RNF17: variants seen among roughly 807,000 people sequenced by gnomAD.
RNF17 encodes spermatogenesis associated 23.
RNF17 carries 31 observed loss-of-function variants against 200.5 expected under a neutral mutation model. The observed-to-expected ratio is 0.15, with a 90% CI of 0.12 to 0.21. RNF17 has a LOEUF of 0.21. Ranked by LOEUF, RNF17 falls within the 10% of genes least tolerant of loss-of-function variation. The pLI, the probability that RNF17 is intolerant of heterozygous loss-of-function variation, is 1.00. For missense variants in RNF17, 1,628 were observed against 1,905.1 expected (o/e 0.85, Z 2.71); for synonymous variants, 606 against 637.8 (o/e 0.95, Z 0.75).
chr13:24,808,524 T>C (rs1317700309), intron 15 of RNF17, among the ~76,000 whole-genome samples: 2 of 108,292 alleles, frequency 1.8e-5, no homozygotes, highest in Non-Finnish European at 3.7e-5. Flanking sequence ...AAGTTGCATA[T>C]CAGCTTAAGG....
At chr13:24,763,661 T>C (rs146557549), upstream of RNF17, among the ~76,000 whole-genome samples, 31 of 152,280 alleles carry the variant, frequency 2.0e-4, no homozygotes, top group African/African-American at 7.2e-4. Flanking sequence ...CCAACCACTC[T>C]TGGCACGCTG....
chr13:24,802,879 C>T (rs926099637), intron 14 of RNF17, among the ~76,000 whole-genome samples: 2 of 152,040 alleles, frequency 1.3e-5, no homozygotes, highest in African/African-American at 2.4e-5. Flanking sequence ...AGCTAGACCT[C>T]GTCTCTACAA....
chr13:24,769,343 T>A (rs1880318609), intron 2 of RNF17, among the ~76,000 whole-genome samples: 1 of 152,198 alleles, frequency 6.6e-6, no homozygotes, highest in African/African-American at 2.4e-5. Context: ...ATCTATTTTG[T>A]ATCATTGACT....
downstream of RNF17, among the ~76,000 whole-genome samples, chr13:24,881,579 G>C (rs1004026518): frequency 6.6e-6 from 1 of 151,358 alleles, no homozygotes; most frequent in Non-Finnish European, 1.5e-5. Flanking sequence ...TCTCAGGAGA[G>C]GTAAGGATAT....
chr13:24,775,304 A>G (rs1881406702), intron 3 of RNF17, among the ~76,000 whole-genome samples: 1 of 152,308 alleles, frequency 6.6e-6, no homozygotes, highest in Non-Finnish European at 1.5e-5. Context: ...GCTTGAGTGC[A>G]GTGGTTTTGA....
chr13:24,766,146 C>A (rs1006523850), intron 1 of RNF17, among the ~76,000 whole-genome samples: 1 of 152,198 alleles, frequency 6.6e-6, no homozygotes, highest in Non-Finnish European at 1.5e-5. Flanking sequence ...AGGAGAATAG[C>A]ATGAACTCAG....
At chr13:24,810,081 T>C (rs1354446863) in intron 15 of RNF17, among the ~76,000 whole-genome samples, 2 of 150,666 alleles carry the variant, frequency 1.3e-5, no homozygotes, top group African/African-American at 4.8e-5. Context: ...AATTTTGGAA[T>C]AGGTGTGGTG....
intron 19 of RNF17, 94 bp from the exon 20 acceptor site, chr13:24,843,650 A>G: frequency 7.0e-6 from 5 of 713,844 alleles, no homozygotes; most frequent in Non-Finnish European, 1.2e-5. Context: ...CAAAATAGTC[A>G]TATAAGTATC....
intron 6 of RNF17, among the ~76,000 whole-genome samples, chr13:24,784,738 G>A (rs556124834): frequency 2.1e-4 from 32 of 151,728 alleles, no homozygotes; most frequent in Admixed American, 7.9e-4. Flanking sequence ...ATGGATTCTC[G>A]CTCTGTCACC....
At chr13:24,794,034 A>G (rs1884225664) in intron 10 of RNF17, 1 of 336,022 alleles carries the variant, frequency 3.0e-6, no homozygotes, top group Admixed American at 4.2e-5. Context: ...AACTTTATTC[A>G]TTGATACAAG....
chr13:24,836,818 C>CAAAA (rs56117531), intron 18 of RNF17, among the ~76,000 whole-genome samples: 149,448 of 152,100 alleles, frequency 0.98, 73,462 homozygotes, highest in Middle Eastern at 1. Flanking sequence ...AAAGCAAAAA[C>CAAAA]AAAACCAAAG....
At chr13:24,883,357 TTTGTTGC>T, downstream of RNF17, 1 of 1,606,798 alleles carries the variant, frequency 6.2e-7, no homozygotes, top group Non-Finnish European at 8.5e-7. Context: ...ACTCTATGAG[TTTGTTGC>T]CATCACTGTA....
At chr13:24,856,446 T>A (rs1406006677) in intron 25 of RNF17, among the ~76,000 whole-genome samples, 1 of 151,892 alleles carries the variant, frequency 6.6e-6, no homozygotes, top group Non-Finnish European at 1.5e-5. Flanking sequence ...AAATCCTTTC[T>A]TACTCTGATG....
intron 3 of RNF17, among the ~76,000 whole-genome samples, chr13:24,778,016 C>T (rs928076940): frequency 6.6e-6 from 1 of 152,108 alleles, no homozygotes; most frequent in African/African-American, 2.4e-5. Flanking sequence ...AATCCCAGCA[C>T]TTTGGGGGGC....
Position 24,842,091 on chromosome 13 carries a change from G to A in RNF17, c.2533G>A (p.Ala845Thr). The change falls in exon 19 of 36, where the codon GCT (alanine) becomes ACT (threonine). Residue 845 changes from alanine to threonine, a missense_variant. Coordinates refer to ENST00000255324, the MANE Select transcript of RNF17 (RefSeq NM_031277.3). Reference protein sequence around the residue: ...LLVELFDSLGAPEMTTTSIND... With the variant: ...LLVELFDSLGTPEMTTTSIND... ...AGTTGAGCTTTTCGATTCTCTTGGT[G>A]CTCCTGAAATGACTACTACTAGTAT... 4 of 1,611,222 alleles carry A rather than the reference G, an allele frequency of 2.5e-6. No individual in the cohort carries two copies. The highest frequency in any genetic ancestry group is 3.4e-6 in the Non-Finnish European group (4 of 1,178,010).
intron 15 of RNF17, among the ~76,000 whole-genome samples, chr13:24,822,287 CT>C (rs1888158473): frequency 6.6e-6 from 1 of 152,198 alleles, no homozygotes. Flanking sequence ...CTGCCGGCAT[CT>C]GTGTCTGCAG....
At chr13:24,778,098 C>G (rs1458123383) in intron 3 of RNF17, among the ~76,000 whole-genome samples, 197 bp from the exon 4 acceptor site, 2 of 151,980 alleles carry the variant, frequency 1.3e-5, no homozygotes. Context: ...CTCATCTCTA[C>G]AAAAAATACA....
At chr13:24,870,768 G>T in intron 32 of RNF17, 29 bp downstream of exon 32, 2 of 1,590,594 alleles carry the variant, frequency 1.3e-6, no homozygotes, top group Non-Finnish European at 1.7e-6. Flanking sequence ...AATGAAACAG[G>T]ATACTTAATA....
In RNF17 at chr13:24,830,505, T is replaced by C. The variant is rs1308676378; in HGVS notation, c.2267T>C (p.Val756Ala). 6.2e-7 allele frequency: 1 copy of C among 1,603,898 alleles called. No individual in the cohort carries two copies. The highest frequency in any genetic ancestry group is 8.5e-7 in the Non-Finnish European group (1 of 1,175,206). ...KVIGLPGHQE[V>A]EVKYVDFGNT... ...CAAGGATTGCCTGGACATCAGGAAG[T>C]TGAAGTTAAATATGTGGACTTTGGT... Residue 756 changes from valine to alanine, a missense_variant, in exon 17 of 36, where the codon GTT becomes GCT. Around this residue, in one of 5 missense-constraint regions of RNF17, gnomAD observed 1 missense variants for 16.8 expected, o/e 0.06. Coordinates refer to ENST00000255324, the MANE Select transcript of RNF17 (RefSeq NM_031277.3).
Sources: allele counts gnomAD v4.1 joint callset (sites outside exome capture counted in the v4.1 genomes callset), GRCh38; gene constraint gnomAD v4.1.1; regional missense constraint gnomAD v4.1.1; transcripts MANE v1.5; gene names NCBI Gene and HGNC (gene_info 2026-07-23, HGNC 2026-07-21).